The following CLECL1 variants were observed in gnomAD, a reference collection of about 807,000 sequenced individuals.
CLECL1 encodes the protein C-type lectin-like domain family 1.
chr12:9,733,580 C>T (rs1403787399), upstream of CLECL1, among the ~76,000 whole-genome samples: 2 of 152,048 alleles, frequency 1.3e-5, no homozygotes, highest in Admixed American at 6.5e-5. Flanking sequence ...AAGCTATTTG[C>T]TTTCCTGTAT....
At chr12:9,715,223 G>A (rs762725309), downstream of CLECL1, among the ~76,000 whole-genome samples, 3 of 152,130 alleles carry the variant, frequency 2.0e-5, no homozygotes, top group Non-Finnish European at 2.9e-5. Flanking sequence ...TTTCTGCTGC[G>A]TAACTTTTTT....
At chr12:9,720,711 C>T (rs1397512157), downstream of CLECL1, among the ~76,000 whole-genome samples, 1 of 152,168 alleles carries the variant, frequency 6.6e-6, no homozygotes, top group Non-Finnish European at 1.5e-5. Flanking sequence ...ATTTCTGCTT[C>T]TCTCCAGTCA....
upstream of CLECL1, chr12:9,733,306 T>A: frequency 7.3e-7 from 1 of 1,363,236 alleles, no homozygotes; most frequent in Non-Finnish European, 1.0e-6. Flanking sequence ...TGCCTAAACT[T>A]GAAATGCTTT....
chr12:9,712,561 C>G (rs10772062), downstream of CLECL1, among the ~76,000 whole-genome samples: 1 of 151,998 alleles, frequency 6.6e-6, no homozygotes, highest in African/African-American at 2.4e-5. Context: ...TTTTATTGCA[C>G]TAAATAAAAC....
At chr12:9,707,788 T>C in the CLECL1 span, among the ~76,000 whole-genome samples, 3 of 152,238 alleles carry the variant, frequency 2.0e-5, no homozygotes, top group Admixed American at 6.5e-5. Flanking sequence ...TAAGATGCTC[T>C]GTTTTCTCTT....
At chr12:9,708,562 A>G in the CLECL1 span, among the ~76,000 whole-genome samples, 11 of 152,152 alleles carry the variant, frequency 7.2e-5, no homozygotes, top group Admixed American at 3.9e-4. Flanking sequence ...ATTTCTGCCA[A>G]TTGAAACCTC....
rs774280673 is a variant in CLECL1, at chr12:9,732,897, G to T, written n.82+52C>A. The T allele has an allele frequency of 2.0e-5, 28 of 1,405,630 alleles. No individual in the cohort carries two copies. In the East Asian group the frequency reaches 6.2e-4, roughly 31 times the overall value. 87.1% of individuals were successfully genotyped at this position (1,405,630 alleles called of 1,614,324 possible). A position where few individuals can be genotyped will look rare whatever the true frequency, so the allele number is the denominator to read the frequency against. On this transcript the variant is annotated intron_variant and non_coding_transcript_variant, in intron 1 of 3. Coordinates refer to ENST00000621400, the Ensembl canonical transcript of CLECL1. The stretch of plus-strand genomic sequence containing the variant: ...ATTAGATACATAAGAAAGAAATAAA[G>T]GAGATAACTAGTAAAATCTTAATTC...
intron 3 of CLECL1, among the ~76,000 whole-genome samples, chr12:9,724,328 GA>G (rs1866351755): frequency 6.6e-6 from 1 of 151,986 alleles, no homozygotes. Context: ...TGCCTTACAT[GA>G]AAAACCAGAA....
At chr12:9,702,399 C>T in the CLECL1 span, among the ~76,000 whole-genome samples, 3 of 152,170 alleles carry the variant, frequency 2.0e-5, no homozygotes, top group African/African-American at 7.2e-5. Context: ...TGTCACTCTG[C>T]TATTCCGCTG....
chr12:9,712,303 T>C (rs1280856191), downstream of CLECL1, among the ~76,000 whole-genome samples: 2 of 152,186 alleles, frequency 1.3e-5, no homozygotes, highest in Non-Finnish European at 2.9e-5. Context: ...ACGATGTAAG[T>C]CTTTATGGCA....
the CLECL1 span, among the ~76,000 whole-genome samples, chr12:9,703,175 T>C: frequency 6.6e-6 from 1 of 152,298 alleles, no homozygotes; most frequent in Middle Eastern, 3.4e-3. Context: ...TGCTACTAAA[T>C]TGAATAGAGT....
At chr12:9,726,267 A>G (rs750442034) in intron 3 of CLECL1, among the ~76,000 whole-genome samples, 1 of 152,138 alleles carries the variant, frequency 6.6e-6, no homozygotes, top group South Asian at 2.1e-4. Context: ...AAATAAAAAC[A>G]TCACATCACA....
intron 1 of CLECL1, among the ~76,000 whole-genome samples, chr12:9,731,454 TAGCC>T (rs1458850670): frequency 6.6e-6 from 1 of 152,148 alleles, no homozygotes; most frequent in Non-Finnish European, 1.5e-5. Flanking sequence ...AAAAGGCCAA[TAGCC>T]AGAGCAAAAT....
chr12:9,712,599 C>T (rs1866208369), downstream of CLECL1, among the ~76,000 whole-genome samples: 1 of 152,098 alleles, frequency 6.6e-6, no homozygotes. Flanking sequence ...ATAAAAGTGG[C>T]AAGAGTGGCC....
At chr12:9,724,808 T>G (rs1866359670) in intron 3 of CLECL1, among the ~76,000 whole-genome samples, 1 of 152,152 alleles carries the variant, frequency 6.6e-6, no homozygotes, top group Admixed American at 6.5e-5. Context: ...TCCAAATTGC[T>G]TAAATCCATA....
At chr12:9,728,819 C>G (rs941096286) in intron 2 of CLECL1, among the ~76,000 whole-genome samples, 2 of 151,958 alleles carry the variant, frequency 1.3e-5, no homozygotes, top group Non-Finnish European at 2.9e-5. Flanking sequence ...CTAAACTAGA[C>G]TTTGCTGATT....
At chr12:9,718,670 A>C, downstream of CLECL1, 2 of 696,388 alleles carry the variant, frequency 2.9e-6, 1 homozygote, top group South Asian at 3.0e-5. Flanking sequence ...GCCCTAATCC[A>C]ATCTGATAAT....
downstream of CLECL1, among the ~76,000 whole-genome samples, chr12:9,712,330 TCTCA>T (rs1324623589): frequency 2.0e-5 from 3 of 152,212 alleles, no homozygotes; most frequent in African/African-American, 4.8e-5. Context: ...CAACTACCTA[TCTCA>T]CTCAGTAAAA....
At chr12:9,707,229 T>G in the CLECL1 span, among the ~76,000 whole-genome samples, 62 of 152,316 alleles carry the variant, frequency 4.1e-4, no homozygotes, top group Non-Finnish European at 6.3e-4. Context: ...AATGACTAAA[T>G]AAAATTACGA....
Sources: gnomAD v4.1 joint callset for allele counts (sites outside exome capture counted in the v4.1 genomes callset) on GRCh38, gnomAD v4.1.1 for gene constraint, MANE v1.5 for transcripts, NCBI Gene and HGNC (gene_info 2026-07-23, HGNC 2026-07-21) for gene names.